AGMO: variants seen among roughly 807,000 people sequenced by gnomAD.
AGMO encodes the protein alkylglycerol monooxygenase.
A neutral mutation model predicts 60.2 loss-of-function variants in AGMO; 75 were observed. That is an observed-to-expected ratio of 1.25 (90% CI 1.03 to 1.51). AGMO has a LOEUF of 1.51. AGMO is among the 40% of genes most tolerant of loss of function. AGMO has a pLI of 0.00. For synonymous variants in AGMO, 261 were observed against 177.1 expected, an observed-to-expected ratio of 1.47 and a Z score of -3.76; for missense variants, 763 against 525.5, an observed-to-expected ratio of 1.45 and a Z score of -4.42.
intron 3 of AGMO, among the ~76,000 whole-genome samples, chr7:15,464,287 G>T (rs765716691): frequency 5.9e-5 from 9 of 152,032 alleles, no homozygotes; most frequent in Non-Finnish European, 1.2e-4. Flanking sequence ...AGAGCTATTT[G>T]GTCATTTGCC....
chr7:15,421,252 T>C (rs1780914515), intron 4 of AGMO, among the ~76,000 whole-genome samples: 1 of 151,964 alleles, frequency 6.6e-6, no homozygotes, highest in African/African-American at 2.4e-5. Context: ...CCTGTGTGCG[T>C]GGGAGAGTGT....
At chr7:15,207,567 C>T (rs1044390769) in intron 12 of AGMO, among the ~76,000 whole-genome samples, 1 of 152,186 alleles carries the variant, frequency 6.6e-6, no homozygotes, top group Non-Finnish European at 1.5e-5. Context: ...CCTAACTTCT[C>T]AATTTTTACC....
intron 3 of AGMO, among the ~76,000 whole-genome samples, chr7:15,499,932 C>CACACACACACAT (rs146144087): frequency 5.8e-5 from 8 of 139,002 alleles, no homozygotes; most frequent in East Asian, 2.2e-4. Context: ...CACACACACA[C>CACACACACACAT]ATATATATAT....
intron 12 of AGMO, among the ~76,000 whole-genome samples, chr7:15,346,986 A>G (rs1490934880): frequency 6.6e-6 from 1 of 152,008 alleles, no homozygotes; most frequent in Non-Finnish European, 1.5e-5. Flanking sequence ...AGATGAATCA[A>G]ACTTTAAATG....
In AGMO at chr7:15,277,343, AAATAAATAAATT is replaced by A. The variant is rs1451343054; in HGVS notation, c.1264-75996_1264-75985del. ...TAAATAAATAAATAAATAAATAAAT[AAATAAATAAATT>A]ATGTGTCATTTCTGCATTTTCACTT... is the stretch of plus-strand genomic sequence containing the variant. On this transcript the variant is annotated intron_variant, in intron 12 of 12. Coordinates refer to ENST00000342526, the MANE Select transcript of AGMO (RefSeq NM_001004320.2). Among the ~76,000 whole-genome samples the A allele has an allele frequency of 2.0e-3, 284 of 143,334 alleles. 1 individual carries two copies. The highest frequency in any genetic ancestry group is 7.1e-3 in the Middle Eastern group (2 of 280). The allele number at this position is 143,334 out of a possible 152,430, so 94.0% of individuals were successfully genotyped here. A position where few individuals can be genotyped will look rare whatever the true frequency, so the allele number is the denominator to read the frequency against.
At chr7:15,387,807 T>C (rs954390669) in intron 8 of AGMO, among the ~76,000 whole-genome samples, 2 of 151,860 alleles carry the variant, frequency 1.3e-5, no homozygotes, top group African/African-American at 4.8e-5. Flanking sequence ...GTTTAGACAA[T>C]CAGCAAAGTA....
chr7:15,493,334 AACACACACAC>A (rs144549105), intron 3 of AGMO, among the ~76,000 whole-genome samples: 5 of 70,368 alleles, frequency 7.1e-5, no homozygotes, highest in African/African-American at 2.8e-4. Flanking sequence ...AAACACACAA[AACACACACAC>A]ACACACACAC....
intron 12 of AGMO, among the ~76,000 whole-genome samples, chr7:15,241,668 G>C (rs12670260): frequency 0.089 from 13,467 of 151,954 alleles, 691 homozygotes; most frequent in East Asian, 0.19. Flanking sequence ...TTTATCTCTT[G>C]ACTGTGAGTT....
the AGMO span, among the ~76,000 whole-genome samples, chr7:15,139,170 TCTAA>T: frequency 3.3e-5 from 5 of 152,326 alleles, no homozygotes; most frequent in African/African-American, 1.2e-4. Flanking sequence ...AACATATACT[TCTAA>T]CTTTGTTTCT....
the AGMO span, among the ~76,000 whole-genome samples, chr7:15,183,051 T>C: frequency 0.068 from 10,302 of 151,936 alleles, 1,175 homozygotes; most frequent in African/African-American, 0.23. Flanking sequence ...ACCTTCAACA[T>C]TGGGGATTAC....
chr7:15,194,840 TAC>T, the AGMO span, among the ~76,000 whole-genome samples: 1 of 152,088 alleles, frequency 6.6e-6, no homozygotes, highest in African/African-American at 2.4e-5. Flanking sequence ...TGATCTCCAA[TAC>T]CCCCTGTCTA....
chr7:15,353,154 T>TTC (rs1276623026), intron 12 of AGMO, among the ~76,000 whole-genome samples: 4 of 152,190 alleles, frequency 2.6e-5, no homozygotes, highest in Non-Finnish European at 5.9e-5. Flanking sequence ...TGGAAATAAC[T>TTC]TCTTAGGAGT....
the AGMO span, among the ~76,000 whole-genome samples, chr7:15,165,942 T>G: frequency 6.6e-6 from 1 of 152,154 alleles, no homozygotes; most frequent in Non-Finnish European, 1.5e-5. Context: ...AAGTGATTTA[T>G]AGGTATGTAT....
chr7:15,174,032 G>T, the AGMO span, among the ~76,000 whole-genome samples: 1 of 151,940 alleles, frequency 6.6e-6, no homozygotes. Context: ...TCTGTTTAGA[G>T]ATGTGAAAAG....
chr7:15,427,043 A>C (rs1323349222), intron 4 of AGMO, among the ~76,000 whole-genome samples: 1 of 152,150 alleles, frequency 6.6e-6, no homozygotes, highest in South Asian at 2.1e-4. Context: ...AAAAGGAAAC[A>C]GTGGGTGATG....
At chr7:15,158,914 TG>T in the AGMO span, among the ~76,000 whole-genome samples, 1 of 152,128 alleles carries the variant, frequency 6.6e-6, no homozygotes, top group Non-Finnish European at 1.5e-5. Flanking sequence ...AAATACAAAA[TG>T]TTGAGCAAAG....
the AGMO span, among the ~76,000 whole-genome samples, chr7:15,194,939 G>A: frequency 6.6e-6 from 1 of 152,168 alleles, no homozygotes; most frequent in Admixed American, 6.5e-5. Flanking sequence ...TACTGCCTCA[G>A]AAGGGGATGT....
At chr7:15,272,009 G>C (rs577264057) in intron 12 of AGMO, among the ~76,000 whole-genome samples, 1 of 152,108 alleles carries the variant, frequency 6.6e-6, no homozygotes, top group Non-Finnish European at 1.5e-5. Context: ...AACCATCTTT[G>C]CATCTCTGGA....
intron 3 of AGMO, among the ~76,000 whole-genome samples, chr7:15,465,826 AG>A (rs1782269653): frequency 6.6e-6 from 1 of 152,062 alleles, no homozygotes; most frequent in Admixed American, 6.6e-5. Flanking sequence ...CCAGTCAATA[AG>A]GAAAAGCATA....
Sources: allele counts gnomAD v4.1 joint callset (sites outside exome capture counted in the v4.1 genomes callset), GRCh38; gene constraint gnomAD v4.1.1; transcripts MANE v1.5; gene names NCBI Gene and HGNC (gene_info 2026-07-23, HGNC 2026-07-21).